CACNA1I: variants seen among roughly 807,000 people sequenced by gnomAD.
CACNA1I encodes the protein calcium voltage-gated channel subunit alpha1 I.
In CACNA1I, 74 loss-of-function variants were observed where a neutral mutation model predicts 201.6. The observed-to-expected ratio is 0.37, with a 90% CI of 0.30 to 0.45. CACNA1I has a LOEUF of 0.45. Ranked by LOEUF, CACNA1I falls within the 20% of genes least tolerant of loss-of-function variation. CACNA1I has a pLI of 1.00. For missense variants in CACNA1I, 2,346 were observed against 3,138.1 expected (o/e 0.75, Z 6.03); for synonymous variants, 1,431 against 1,345.2 (o/e 1.06, Z -1.40).
intron 4 of CACNA1I, among the ~76,000 whole-genome samples, chr22:39,621,680 G>T (rs187014841): frequency 6.6e-6 from 1 of 152,126 alleles, no homozygotes; most frequent in East Asian, 1.9e-4. Context: ...GATAGAAAAC[G>T]CTGGGGGTCC....
intron 5 of CACNA1I, among the ~76,000 whole-genome samples, chr22:39,636,948 A>G: frequency 6.6e-6 from 1 of 152,192 alleles, no homozygotes; most frequent in Non-Finnish European, 1.5e-5. Context: ...CCTCAGCCCA[A>G]CCTGTCACTA....
rs779618291 is a variant in CACNA1I at position 39,634,556 on chromosome 22, C to A, written c.581-9C>A. ...TGTCTGACCATCCCTCCACCTTTTC[C>A]CCTCCCAGGTATGCGGATCCTGGTG... is the stretch of plus-strand genomic sequence containing the variant. On this transcript the variant is annotated splice_polypyrimidine_tract_variant and intron_variant, in intron 4 of 36. Transcript: ENST00000402142. 1.2e-6 allele frequency: 2 copies of A among 1,613,786 alleles called. No individual in the cohort carries two copies. The highest frequency in any genetic ancestry group is 4.5e-5 in the East Asian group (2 of 44,890).
intron 24 of CACNA1I, among the ~76,000 whole-genome samples, chr22:39,669,749 G>A (rs921218815): frequency 6.6e-6 from 1 of 152,182 alleles, no homozygotes; most frequent in Non-Finnish European, 1.5e-5. Context: ...ATGGATGGAT[G>A]CATGCATAGG....
intron 1 of CACNA1I, among the ~76,000 whole-genome samples, chr22:39,578,781 G>A (rs1440334980): frequency 6.6e-6 from 1 of 152,150 alleles, no homozygotes; most frequent in Non-Finnish European, 1.5e-5. Flanking sequence ...TCCACCATCT[G>A]CCTATTATCC....
intron 1 of CACNA1I, among the ~76,000 whole-genome samples, chr22:39,579,285 TG>T (rs1409471120): frequency 6.6e-6 from 1 of 152,112 alleles, no homozygotes; most frequent in Non-Finnish European, 1.5e-5. Flanking sequence ...CAACCATGGC[TG>T]GGGAGACTGA....
At chr22:39,670,758 C>T in intron 25 of CACNA1I, 45 bp from the exon 26 acceptor site, 3 of 1,607,502 alleles carry the variant, frequency 1.9e-6, no homozygotes, top group Non-Finnish European at 2.6e-6. Flanking sequence ...TTCCCTTGAC[C>T]CCAACCCTCT....
At chr22:39,585,386 C>CTTTTTTTTTTTTTTTTTT in intron 1 of CACNA1I, among the ~76,000 whole-genome samples, 1 of 90,456 alleles carries the variant, frequency 1.1e-5, no homozygotes, top group Non-Finnish European at 2.2e-5. Flanking sequence ...TTCTTTCTTT[C>CTTTTTTTTTTTTTTTTTT]TTTTTTTTTT....
intron 1 of CACNA1I, among the ~76,000 whole-genome samples, chr22:39,578,299 G>A (rs541020697): frequency 6.6e-6 from 1 of 152,098 alleles, no homozygotes; most frequent in Admixed American, 6.5e-5. Context: ...AGGGCCTCAG[G>A]CCTCTGGATA....
intron 3 of CACNA1I, among the ~76,000 whole-genome samples, chr22:39,614,916 T>C (rs538272202): frequency 6.6e-6 from 1 of 152,362 alleles, no homozygotes; most frequent in Non-Finnish European, 1.5e-5. Context: ...AATTAAGCGC[T>C]TAGGAGCTGG....
At chr22:39,590,016 G>T (rs990635086) in intron 1 of CACNA1I, among the ~76,000 whole-genome samples, 3 of 151,492 alleles carry the variant, frequency 2.0e-5, no homozygotes, top group African/African-American at 7.3e-5. Flanking sequence ...ACTGAGTGTC[G>T]CCTGGGCCTG....
rs1935943157 is a variant in CACNA1I at position 39,688,242 on chromosome 22, C to G, written c.*1837C>G. The G allele has an allele frequency of 6.6e-6, 1 of 152,404 alleles. No individual in the cohort carries two copies. The highest frequency in any genetic ancestry group is 2.1e-4 in the South Asian group (1 of 4,832). 9.4% of individuals were successfully genotyped at this position (152,404 alleles called of 1,614,324 possible). ...GAGGGCCCTACTCCACACCCTAGAG[C>G]TGTGATGCTGAGCAAGGTGCCTGTG... On this transcript the variant is annotated 3_prime_UTR_variant, in exon 37 of 37. Coordinates refer to ENST00000402142, the MANE Select transcript of CACNA1I (RefSeq NM_021096.4). This position sits in a 1 kb window ranked among gnomAD's most constrained non-coding sequence, Gnocchi z 4.8.
intron 34 of CACNA1I, 111 bp downstream of exon 34, chr22:39,681,163 A>T: frequency 8.0e-7 from 1 of 1,248,446 alleles, no homozygotes; most frequent in Non-Finnish European, 1.1e-6. Context: ...AACGGCACCC[A>T]CTGTGCTAGG....
At chr22:39,642,239 A>G (rs529258990) in intron 6 of CACNA1I, among the ~76,000 whole-genome samples, 2 of 151,618 alleles carry the variant, frequency 1.3e-5, no homozygotes, top group East Asian at 3.9e-4. Context: ...GTGGCCGCTC[A>G]GGGGGTCCCA....
chr22:39,611,526 C>T (rs1453924453), intron 3 of CACNA1I, among the ~76,000 whole-genome samples: 1 of 152,192 alleles, frequency 6.6e-6, no homozygotes, highest in Admixed American at 6.5e-5. Context: ...AGCATCTCTG[C>T]ACCACACAGA....
At position 39,668,275 on chromosome 22, in the gene CACNA1I, C is replaced by G; in HGVS notation, c.4105-17C>G. ...CACAGTCCTCACCCCTGCATTCCGC[C>G]TCCCCATGTCTCCCAGGCTCTGATG... is the stretch of plus-strand genomic sequence containing the variant. On this transcript the variant is annotated splice_polypyrimidine_tract_variant and intron_variant, in intron 23 of 36. Coordinates refer to ENST00000402142, the MANE Select transcript of CACNA1I (RefSeq NM_021096.4). 2 of 1,567,348 alleles carry G rather than the reference C, an allele frequency of 1.3e-6. No individual in the cohort carries two copies. Among genetic ancestry groups the G allele is most frequent in the African/African-American group, 1.3e-5 (1 of 74,084 alleles).
chr22:39,654,846 A>C (rs2065429452), intron 10 of CACNA1I, among the ~76,000 whole-genome samples: 1 of 152,192 alleles, frequency 6.6e-6, no homozygotes. Context: ...GGGGCAGGGC[A>C]GACAGTGCAG....
At chr22:39,667,543 C>G (rs143735548) in intron 23 of CACNA1I, among the ~76,000 whole-genome samples, 135 of 152,292 alleles carry the variant, frequency 8.9e-4, no homozygotes, top group African/African-American at 1.7e-3. Context: ...AGGCTGTGCT[C>G]AAGTTCAGTT....
At chr22:39,571,244 G>A in intron 1 of CACNA1I, 1 of 543,258 alleles carries the variant, frequency 1.8e-6, no homozygotes, top group Non-Finnish European at 3.3e-6. Context: ...TGGCTGGCTG[G>A]CTCAGAAAGT....
intron 3 of CACNA1I, among the ~76,000 whole-genome samples, chr22:39,609,687 G>C (rs145212819): frequency 2.0e-5 from 3 of 152,224 alleles, no homozygotes; most frequent in Admixed American, 2.0e-4. Context: ...AGCAAGGCTA[G>C]GAAAGCAGAA....
Sources: gnomAD v4.1 joint callset for allele counts (sites outside exome capture counted in the v4.1 genomes callset) on GRCh38, gnomAD v4.1.1 for gene constraint, Gnocchi (gnomAD v3.1) non-coding constraint, MANE v1.5 for transcripts, NCBI Gene and HGNC (gene_info 2026-07-23, HGNC 2026-07-21) for gene names.